Variants in MYT1 observed in about 807,000 individuals in gnomAD.
MYT1 encodes the protein myelin transcription factor I.
MYT1 carries 23 observed loss-of-function variants against 123.0 expected under a neutral mutation model. The observed-to-expected ratio is 0.19, with a 90% CI of 0.13 to 0.26. The LOEUF is 0.26. MYT1 is among the 10% of genes least tolerant of loss of function. The pLI is 1.00. For missense variants in MYT1, 1,125 were observed against 1,472.5 expected (o/e 0.76, Z 3.86); for synonymous variants, 518 against 575.3 (o/e 0.90, Z 1.43).
chr20:64,165,333 C>T (rs989566007), intron 1 of MYT1, among the ~76,000 whole-genome samples: 7 of 152,044 alleles, frequency 4.6e-5, no homozygotes, highest in African/African-American at 1.7e-4. Context: ...AAATATCGGC[C>T]GCTCCTCTCA....
At chr20:64,197,231 A>G (rs1198530576) in intron 2 of MYT1, among the ~76,000 whole-genome samples, 1 of 152,214 alleles carries the variant, frequency 6.6e-6, no homozygotes, top group Non-Finnish European at 1.5e-5. Context: ...TTCTTCCTTA[A>G]CAAATCACAT....
intron 1 of MYT1, among the ~76,000 whole-genome samples, chr20:64,177,678 C>T (rs1010661457): frequency 1.3e-5 from 2 of 152,168 alleles, no homozygotes; most frequent in African/African-American, 4.8e-5. Flanking sequence ...GAGGGTACCC[C>T]TCTCCGGAGC....
At chr20:64,219,466 T>A (rs1028317820) in intron 12 of MYT1, among the ~76,000 whole-genome samples, 1 of 152,220 alleles carries the variant, frequency 6.6e-6, no homozygotes, top group Admixed American at 6.5e-5. Context: ...TTACCCGTGT[T>A]TATGACATGT....
rs1983385453 is a variant in MYT1, at chr20:64,203,510, C to T, written c.87-1525C>T. On this transcript the variant is annotated intron_variant, in intron 4 of 22. Transcript: ENST00000328439. This position sits in a 1 kb window ranked among gnomAD's most constrained non-coding sequence, Gnocchi z 5.1. The stretch of plus-strand genomic sequence containing the variant: ...GTGCCCTCCCTCTCTCGCTCTCTCC[C>T]TCTTCCTCCCTCTTCCCCTCCCTTC... 6.6e-6 allele frequency among the ~76,000 whole-genome samples: 1 copy of T among 152,084 alleles called. No homozygotes were observed. Among genetic ancestry groups the T allele is most frequent in the Admixed American group, 6.5e-5 (1 of 15,272 alleles).
intron 18 of MYT1, among the ~76,000 whole-genome samples, chr20:64,229,427 T>A (rs1984261083): frequency 6.6e-6 from 1 of 152,206 alleles, no homozygotes; most frequent in African/African-American, 2.4e-5. Flanking sequence ...CTTTCTAATG[T>A]GCTGTCAACT....
At position 64,203,336 on chromosome 20, in the gene MYT1, C is replaced by CT. The variant is rs1425625876; in HGVS notation, c.87-1693dup. On this transcript the variant is annotated intron_variant, in intron 4 of 22. Coordinates refer to ENST00000328439, the MANE Select transcript of MYT1 (RefSeq NM_004535.3). This position sits in a 1 kb window ranked among gnomAD's most constrained non-coding sequence, Gnocchi z 5.1. ...GCTTCAAATCCCCATTAACAAGGAGCTTTTTTGTGAAAAGTCCCAAAGCTA... is the reference window on the plus strand; with the variant it reads ...GCTTCAAATCCCCATTAACAAGGAGCTTTTTTTGTGAAAAGTCCCAAAGCTA... Among the ~76,000 whole-genome samples, 2 of 152,186 alleles carry CT rather than the reference C, an allele frequency of 1.3e-5. No individual in the cohort carries two copies. The highest frequency in any genetic ancestry group is 2.4e-5 in the African/African-American group (1 of 41,438).
At chr20:64,237,484 G>C (rs1462301853) in intron 21 of MYT1, 94 bp downstream of exon 21, 1 of 989,528 alleles carries the variant, frequency 1.0e-6, no homozygotes, top group Admixed American at 2.1e-5. Context: ...CACTCATCAA[G>C]GTTGCTGTCA....
chr20:64,220,791 TAGGCCCCTATGAAGGGTGGGGGCTGGATC>T (rs1983978401), intron 13 of MYT1, among the ~76,000 whole-genome samples: 2 of 102,268 alleles, frequency 2.0e-5, no homozygotes, highest in Admixed American at 1.0e-4. Flanking sequence ...GGGGTGGGGC[TAGGCCCCTATGAAGGGTGGGGGCTGGATC>T]AGGCCCCTAT....
At chr20:64,206,230 C>G (rs546127300) in intron 6 of MYT1, among the ~76,000 whole-genome samples, 1 of 152,218 alleles carries the variant, frequency 6.6e-6, no homozygotes, top group African/African-American at 2.4e-5. Context: ...GAGAGGTCTG[C>G]GTTCCCCTGA....
At chr20:64,216,364 G>C (rs78021927) in intron 10 of MYT1, among the ~76,000 whole-genome samples, 2 of 152,116 alleles carry the variant, frequency 1.3e-5, no homozygotes, top group African/African-American at 4.8e-5. Flanking sequence ...CAGTTTCTTC[G>C]TGCCATCTTT....
chr20:64,236,241 T>TGTGGTGGGTGACCCTGGGATGGTC, intron 19 of MYT1, among the ~76,000 whole-genome samples: 1 of 53,156 alleles, frequency 1.9e-5, no homozygotes, highest in Non-Finnish European at 3.7e-5. Context: ...CTGGGATGGC[T>TGTGGTGGGTGACCCTGGGATGGTC]GTGGTGGGTG....
At chr20:64,214,709 C>T (rs1234695709) in intron 10 of MYT1, among the ~76,000 whole-genome samples, 1 of 152,238 alleles carries the variant, frequency 6.6e-6, no homozygotes, top group Non-Finnish European at 1.5e-5. Context: ...AGCTCTCAGA[C>T]CCCTGTTCCA....
Position 64,232,038 on chromosome 20 carries a change from C to G in MYT1, c.2676-126C>G. ...GGCTCCAGGACCTCAGCGGCCCTCC[C>G]TGCCTCACTCAGAAGCCCTTTAACG... On this transcript the variant is annotated intron_variant, in intron 18 of 22. Transcript: ENST00000328439. The surrounding 1 kb of genome is among the most constrained non-coding windows in gnomAD (Gnocchi z 6.9). 1.1e-6 allele frequency: 1 copy of G among 927,744 alleles called. No individual in the cohort carries two copies. The allele number at this position is 927,744 out of a possible 1,614,324, so 57.5% of individuals were successfully genotyped here. A position where few individuals can be genotyped will look rare whatever the true frequency, so the allele number is the denominator to read the frequency against.
chr20:64,218,847 G>A lies in MYT1; in HGVS notation c.1847-64G>A. On this transcript the variant is annotated intron_variant, in intron 11 of 22. Coordinates refer to ENST00000328439, the MANE Select transcript of MYT1 (RefSeq NM_004535.3). This position sits in a 1 kb window ranked among gnomAD's most constrained non-coding sequence, Gnocchi z 4.0. The stretch of plus-strand genomic sequence containing the variant: ...TTTTGCAGCCAAACCTTTCCCAAAG[G>A]CCTCTTCCCCCAGGCACAGCCCCTC... 3 of 1,609,248 alleles carry A rather than the reference G, an allele frequency of 1.9e-6. No homozygotes were observed. The highest frequency in any genetic ancestry group is 1.1e-5 in the South Asian group (1 of 91,068).
rs758958718 is a variant in MYT1 at position 64,166,590 on chromosome 20, G to A, written c.-99+1851G>A. 3.3e-5 allele frequency among the ~76,000 whole-genome samples: 5 copies of A among 152,196 alleles called. No individual in the cohort carries two copies. The highest frequency in any genetic ancestry group is 7.4e-5 in the Non-Finnish European group (5 of 68,022). ...GCTGCTTCTGTCCAAAGTGCCACTC[G>A]AGGGTTTTTGTGACCCTCAGCCATT... is the stretch of plus-strand genomic sequence containing the variant. On this transcript the variant is annotated intron_variant, in intron 1 of 22. Coordinates refer to ENST00000328439, the MANE Select transcript of MYT1 (RefSeq NM_004535.3). The surrounding 1 kb of genome is among the most constrained non-coding windows in gnomAD (Gnocchi z 4.9).
intron 18 of MYT1, among the ~76,000 whole-genome samples, chr20:64,230,369 C>T (rs1490041133): frequency 2.6e-5 from 4 of 152,126 alleles, no homozygotes; most frequent in Non-Finnish European, 4.4e-5. Flanking sequence ...AAAAATCAGC[C>T]GGGCGTGGTG....
At chr20:64,214,309 G>A (rs961351976) in intron 10 of MYT1, among the ~76,000 whole-genome samples, 4 of 152,246 alleles carry the variant, frequency 2.6e-5, no homozygotes, top group Admixed American at 6.5e-5. Context: ...ATGTGAACAC[G>A]TGGGAGCGTG....
chr20:64,190,842 G>A lies in MYT1; in HGVS notation c.-1+682G>A, dbSNP rs968974000. Reference sequence around the variant, plus strand: ...AAATTAGCCGGGCATGGTGGCATGCGCCTGTAATCCCAGCTACTGGGGAGG... The same window carrying A: ...AAATTAGCCGGGCATGGTGGCATGCACCTGTAATCCCAGCTACTGGGGAGG... On this transcript the variant is annotated intron_variant, in intron 2 of 22. Transcript: ENST00000328439. The surrounding 1 kb of genome is among the most constrained non-coding windows in gnomAD (Gnocchi z 4.1). 1.3e-5 allele frequency among the ~76,000 whole-genome samples: 2 copies of A among 152,044 alleles called. No homozygotes were observed. The highest frequency in any genetic ancestry group is 2.4e-5 in the African/African-American group (1 of 41,368).
intron 18 of MYT1, among the ~76,000 whole-genome samples, chr20:64,228,726 ACAGACTCAGAC>A (rs1224790661): frequency 6.6e-6 from 1 of 152,190 alleles, no homozygotes; most frequent in Admixed American, 6.5e-5. Context: ...ATGCTTTGCT[ACAGACTCAGAC>A]CAGGTGACCC....
Sources: allele counts gnomAD v4.1 joint callset (sites outside exome capture counted in the v4.1 genomes callset), GRCh38; gene constraint gnomAD v4.1.1; non-coding constraint Gnocchi (gnomAD v3.1); transcripts MANE v1.5; gene names NCBI Gene and HGNC (gene_info 2026-07-23, HGNC 2026-07-21).